The following RBPJ variants were observed in gnomAD, a reference collection of about 807,000 sequenced individuals.
RBPJ encodes recombining binding protein suppressor of hairless.
A neutral mutation model predicts 67.8 loss-of-function variants in RBPJ; 9 were observed. The ratio of observed to expected loss-of-function variants is 0.13; its 90% confidence interval spans 0.08 to 0.23. The LOEUF is 0.23. Ranked by LOEUF, RBPJ falls within the 10% of genes least tolerant of loss-of-function variation. The probability of loss-of-function intolerance (pLI) is 1.00; values close to 1 mark genes in which losing one functional copy is unlikely to be tolerated. For missense variants in RBPJ, 305 were observed against 595.6 expected (o/e 0.51, Z 5.08); for synonymous variants, 198 against 203.3 (o/e 0.97, Z 0.22).
At chr4:26,185,155 A>G (rs926910386) in intron 1 of RBPJ, among the ~76,000 whole-genome samples, 3 of 144,844 alleles carry the variant, frequency 2.1e-5, no homozygotes, top group African/African-American at 5.1e-5. Flanking sequence ...AAAAAAAAAA[A>G]GAAAAGATAG....
chr4:26,294,091 TTTTTG>T (rs1298226775), intron 1 of RBPJ, among the ~76,000 whole-genome samples: 1 of 148,926 alleles, frequency 6.7e-6, no homozygotes, highest in African/African-American at 2.5e-5. Flanking sequence ...TTTGTTTTTG[TTTTTG>T]TTTTTGTTTT....
At chr4:26,400,384 A>G (rs569483154) in intron 2 of RBPJ, among the ~76,000 whole-genome samples, 7 of 152,344 alleles carry the variant, frequency 4.6e-5, no homozygotes, top group African/African-American at 7.2e-5. Context: ...TGCACAGCGC[A>G]ATCTCTCCAC....
intron 1 of RBPJ, among the ~76,000 whole-genome samples, chr4:26,174,151 G>A (rs1404206583): frequency 6.6e-6 from 1 of 152,194 alleles, no homozygotes; most frequent in Non-Finnish European, 1.5e-5. Context: ...TTTTTCCCAA[G>A]AAGTGGGAGA....
intron 1 of RBPJ, among the ~76,000 whole-genome samples, chr4:26,364,907 G>A (rs921458595): frequency 2.6e-5 from 4 of 151,780 alleles, no homozygotes; most frequent in African/African-American, 9.7e-5. Context: ...GTGAGCCACC[G>A]TGCCCGGCCT....
At chr4:26,188,352 C>A (rs181085664) in intron 1 of RBPJ, among the ~76,000 whole-genome samples, 1 of 152,162 alleles carries the variant, frequency 6.6e-6, no homozygotes, top group Non-Finnish European at 1.5e-5. Context: ...TTGGTTAGGT[C>A]TCCCTACAAT....
chr4:26,220,290 A>G (rs1292196117), intron 1 of RBPJ, among the ~76,000 whole-genome samples: 2 of 152,198 alleles, frequency 1.3e-5, no homozygotes, highest in African/African-American at 2.4e-5. Context: ...TGCATTTTGA[A>G]CTTGGATAGT....
intron 1 of RBPJ, among the ~76,000 whole-genome samples, chr4:26,339,984 G>T (rs1397827791): frequency 6.7e-6 from 1 of 149,698 alleles, no homozygotes; most frequent in African/African-American, 2.5e-5. Context: ...ACGCCATTGC[G>T]CTCCAGCCTG....
intron 2 of RBPJ, among the ~76,000 whole-genome samples, chr4:26,392,148 A>G (rs1731566898): frequency 1.3e-5 from 2 of 152,236 alleles, no homozygotes; most frequent in East Asian, 1.9e-4. Flanking sequence ...TTAATACTGT[A>G]TACCTGTTAA....
chr4:26,179,445 C>T (rs1716905262), intron 1 of RBPJ, among the ~76,000 whole-genome samples: 1 of 151,790 alleles, frequency 6.6e-6, no homozygotes, highest in African/African-American at 2.4e-5. Context: ...CCCAGAATCC[C>T]CCATGCATTC....
chr4:26,255,759 G>A (rs1445979710), intron 1 of RBPJ, among the ~76,000 whole-genome samples: 1 of 147,004 alleles, frequency 6.8e-6, no homozygotes. Flanking sequence ...CCGAGATCGT[G>A]CCACTGCACT....
At chr4:26,420,170 A>AT (rs10707719) in intron 4 of RBPJ, among the ~76,000 whole-genome samples, 2,193 of 149,836 alleles carry the variant, frequency 0.015, 55 homozygotes, top group African/African-American at 0.051. Context: ...CTTTATTATT[A>AT]TTTTTTTTTT....
chr4:26,245,333 T>G (rs1279442936), intron 1 of RBPJ, among the ~76,000 whole-genome samples: 5 of 149,360 alleles, frequency 3.3e-5, no homozygotes, highest in Non-Finnish European at 7.4e-5. Flanking sequence ...CTCAGCCTCC[T>G]AAGTAGCTGA....
chr4:26,258,274 C>G (rs1378414557), intron 1 of RBPJ, among the ~76,000 whole-genome samples: 1 of 152,200 alleles, frequency 6.6e-6, no homozygotes, highest in African/African-American at 2.4e-5. Context: ...TTTTTCTATT[C>G]TCTTCTCCTA....
the RBPJ span, among the ~76,000 whole-genome samples, chr4:26,107,723 C>A: frequency 1.3e-5 from 2 of 152,128 alleles, no homozygotes; most frequent in Non-Finnish European, 2.9e-5. Context: ...CATGGTGAAA[C>A]CCTATCTCTA....
chr4:26,265,423 G>A (rs906121486), intron 1 of RBPJ, among the ~76,000 whole-genome samples: 3 of 152,004 alleles, frequency 2.0e-5, no homozygotes, highest in Non-Finnish European at 2.9e-5. Flanking sequence ...CAGCTACTCG[G>A]GAGGCTGAGG....
chr4:26,414,510 A>G (rs968892026), intron 3 of RBPJ, among the ~76,000 whole-genome samples: 3 of 152,096 alleles, frequency 2.0e-5, no homozygotes, highest in Non-Finnish European at 2.9e-5. Flanking sequence ...ACCCATTTAT[A>G]TTACTTATGT....
chr4:26,338,731 T>C (rs919030171), intron 1 of RBPJ, among the ~76,000 whole-genome samples: 13 of 152,030 alleles, frequency 8.6e-5, no homozygotes, highest in African/African-American at 3.1e-4. Context: ...CCTGCCACCC[T>C]GCCCGGCTAA....
At chr4:26,320,813 T>C (rs1722939691), upstream of RBPJ, 1 of 1,558,348 alleles carries the variant, frequency 6.4e-7, no homozygotes, top group Non-Finnish European at 8.7e-7. Context: ...CTCCATCGCC[T>C]GGGTAGGTTT....
At chr4:26,363,984 G>A (rs1290729360) in intron 1 of RBPJ, among the ~76,000 whole-genome samples, 6 of 152,110 alleles carry the variant, frequency 3.9e-5, no homozygotes, top group African/African-American at 1.4e-4. Flanking sequence ...TTTTCATACT[G>A]TGTGTTTGGT....
Sources: gnomAD v4.1 joint callset for allele counts (sites outside exome capture counted in the v4.1 genomes callset) on GRCh38, gnomAD v4.1.1 for gene constraint, MANE v1.5 for transcripts, NCBI Gene and HGNC (gene_info 2026-07-23, HGNC 2026-07-21) for gene names.